The following CAMK4 variants were observed in gnomAD, a reference collection of about 807,000 sequenced individuals.
The protein encoded by CAMK4 is calcium/calmodulin-dependent protein kinase type IV.
Under a neutral mutation model 44.9 loss-of-function variants are expected in CAMK4, and 22 were observed. The observed-to-expected ratio is 0.49, with a 90% CI of 0.35 to 0.70. The LOEUF (loss-of-function observed/expected upper bound fraction) is 0.70, where lower values mean the gene tolerates loss of function less well. CAMK4 is among the 30% of genes least tolerant of loss of function. CAMK4 has a pLI of 0.01. For missense variants in CAMK4, 498 were observed against 586.8 expected (o/e 0.85, Z 1.56); for synonymous variants, 218 against 215.4 (o/e 1.01, Z -0.11).
chr5:111,484,535 G>T lies in CAMK4; in HGVS notation c.*69G>T. 1.8e-6 allele frequency: 2 copies of T among 1,084,278 alleles called. No individual in the cohort carries two copies. The highest frequency in any genetic ancestry group is 2.6e-6 in the Non-Finnish European group (2 of 767,608). The allele number at this position is 1,084,278 out of a possible 1,614,324, so 67.2% of individuals were successfully genotyped here. A position where few individuals can be genotyped will look rare whatever the true frequency, so the allele number is the denominator to read the frequency against. On this transcript the variant is annotated 3_prime_UTR_variant, in exon 11 of 11. Coordinates refer to ENST00000282356, the MANE Select transcript of CAMK4 (RefSeq NM_001744.6). This position sits in a 1 kb window ranked among gnomAD's most constrained non-coding sequence, Gnocchi z 5.3. ...TACTTTGTCCTTCAGCAAGAAAGGTGTGGAAGCATGATATGTACTATAGTG... is the reference window on the plus strand; with the variant it reads ...TACTTTGTCCTTCAGCAAGAAAGGTTTGGAAGCATGATATGTACTATAGTG...
chr5:111,397,276 A>G (rs975143808), intron 5 of CAMK4, among the ~76,000 whole-genome samples: 1 of 152,224 alleles, frequency 6.6e-6, no homozygotes. Context: ...AGGCATAGCA[A>G]TTAACCTAAC....
chr5:111,224,435 G>GGGCAGCGGC lies in CAMK4; in HGVS notation c.-45_-37dup, dbSNP rs1554052654. The GGGCAGCGGC allele has an allele frequency of 2.0e-6, 3 of 1,534,378 alleles. No individual in the cohort carries two copies. The highest frequency in any genetic ancestry group is 2.9e-5 in the African/African-American group (2 of 69,494). Reference sequence around the variant, plus strand: ...GCGGCTGGCGGCCGGCTTCTCGCTCGGGCAGCGGCGGCGGCGGCGGCGGCG... The same window carrying GGGCAGCGGC: ...GCGGCTGGCGGCCGGCTTCTCGCTCGGGCAGCGGCGGCAGCGGCGGCGGCGGCGGCGGCG... On this transcript the variant is annotated 5_prime_UTR_variant, in exon 1 of 11. Transcript: ENST00000282356. The surrounding 1 kb of genome is among the most constrained non-coding windows in gnomAD (Gnocchi z 5.7).
intron 4 of CAMK4, among the ~76,000 whole-genome samples, chr5:111,389,744 A>G (rs1012468985): frequency 1.3e-5 from 2 of 152,216 alleles, no homozygotes; most frequent in African/African-American, 4.8e-5. Flanking sequence ...TAAGGTTGCA[A>G]AGAAATTTAA....
chr5:111,365,286 G>C (rs952285095), intron 2 of CAMK4: 9 of 152,146 alleles, frequency 5.9e-5, no homozygotes, highest in African/African-American at 1.9e-4. Context: ...AAATCAGAGA[G>C]TGTAATGTTT....
At chr5:111,272,688 T>C (rs931580599) in intron 1 of CAMK4, among the ~76,000 whole-genome samples, 3 of 152,194 alleles carry the variant, frequency 2.0e-5, no homozygotes, top group African/African-American at 7.2e-5. Flanking sequence ...TTGCAAAATG[T>C]CTGAATGCCA....
intron 2 of CAMK4, among the ~76,000 whole-genome samples, chr5:111,368,075 C>G (rs1387545256): frequency 6.6e-6 from 1 of 151,798 alleles, no homozygotes; most frequent in Non-Finnish European, 1.5e-5. Context: ...CTAATTAGCC[C>G]AAGTTAAGAT....
intron 1 of CAMK4, among the ~76,000 whole-genome samples, chr5:111,267,691 G>A (rs1035638514): frequency 3.1e-4 from 36 of 114,874 alleles, no homozygotes; most frequent in Admixed American, 2.5e-4. Flanking sequence ...GCGACAGAAC[G>A]AGACTCCGTC....
chr5:111,368,610 C>G (rs1251621273), intron 2 of CAMK4, among the ~76,000 whole-genome samples: 1 of 152,128 alleles, frequency 6.6e-6, no homozygotes, highest in East Asian at 1.9e-4. Context: ...GGAAGGATTT[C>G]CTGGCTTCAG....
At chr5:111,254,435 A>G (rs1001895121) in intron 1 of CAMK4, among the ~76,000 whole-genome samples, 2 of 152,162 alleles carry the variant, frequency 1.3e-5, no homozygotes, top group Non-Finnish European at 2.9e-5. Context: ...GAGGGTTGAC[A>G]CCCTTGTAAA....
intron 7 of CAMK4, among the ~76,000 whole-genome samples, chr5:111,460,300 C>T (rs1488266275): frequency 1.6e-5 from 2 of 122,232 alleles, no homozygotes; most frequent in African/African-American, 3.0e-5. Context: ...CAGAGTCTCA[C>T]TCATTCCCCC....
At chr5:111,444,521 A>G (rs1396193208) in intron 5 of CAMK4, among the ~76,000 whole-genome samples, 1 of 152,130 alleles carries the variant, frequency 6.6e-6, no homozygotes, top group African/African-American at 2.4e-5. Context: ...TGCAGAATCC[A>G]CACTGGGCCC....
At chr5:111,438,331 C>G (rs1753714965) in intron 5 of CAMK4, among the ~76,000 whole-genome samples, 1 of 152,164 alleles carries the variant, frequency 6.6e-6, no homozygotes, top group Admixed American at 6.5e-5. Flanking sequence ...CTTTAATTCT[C>G]AAACCGCTAG....
At chr5:111,454,039 G>C (rs1317827717) in intron 7 of CAMK4, among the ~76,000 whole-genome samples, 2 of 152,188 alleles carry the variant, frequency 1.3e-5, no homozygotes, top group African/African-American at 4.8e-5. Context: ...CCACAGGAGA[G>C]ACAGGCTCTC....
intron 1 of CAMK4, among the ~76,000 whole-genome samples, chr5:111,325,739 T>A (rs1748857339): frequency 1.3e-5 from 2 of 152,082 alleles, no homozygotes; most frequent in African/African-American, 4.8e-5. Flanking sequence ...TTTTTTCTTG[T>A]AAATTTGTTT....
At chr5:111,233,226 C>T (rs1166387944) in intron 1 of CAMK4, among the ~76,000 whole-genome samples, 8 of 152,176 alleles carry the variant, frequency 5.3e-5, no homozygotes, top group Admixed American at 3.9e-4. Context: ...GATATCAAAT[C>T]TTAACTTATT....
intron 2 of CAMK4, among the ~76,000 whole-genome samples, chr5:111,367,326 C>T (rs963244825): frequency 1.3e-5 from 2 of 151,728 alleles, no homozygotes; most frequent in African/African-American, 2.4e-5. Flanking sequence ...CCCAGGATGA[C>T]GGCAATAAAT....
At chr5:111,313,748 C>G (rs539389710) in intron 1 of CAMK4, among the ~76,000 whole-genome samples, 116 of 152,212 alleles carry the variant, frequency 7.6e-4, no homozygotes, top group African/African-American at 2.6e-3. Context: ...AGAAAAACCC[C>G]TCTCTTTAAG....
In CAMK4 at chr5:111,472,158, G is replaced by A. The variant is rs185271033; in HGVS notation, c.626-1153G>A. Among the ~76,000 whole-genome samples the A allele has an allele frequency of 3.9e-3, 587 of 152,242 alleles. 2 individuals carry two copies. Among genetic ancestry groups the A allele is most frequent in the Non-Finnish European group, 5.9e-3 (403 of 68,008 alleles). Reference sequence around the variant, plus strand: ...GATCCACCTGCCTCGATCTCCCAAAGTGCTAGGATTACAGGTGTGAGCCAC... The same window carrying A: ...GATCCACCTGCCTCGATCTCCCAAAATGCTAGGATTACAGGTGTGAGCCAC... On this transcript the variant is annotated intron_variant, in intron 7 of 10. Transcript: ENST00000282356.
chr5:111,330,169 C>T (rs1749103344), intron 1 of CAMK4, among the ~76,000 whole-genome samples: 1 of 148,930 alleles, frequency 6.7e-6, no homozygotes, highest in Non-Finnish European at 1.5e-5. Flanking sequence ...AGATAAATGT[C>T]ACCATACAAA....
Sources: allele counts gnomAD v4.1 joint callset (sites outside exome capture counted in the v4.1 genomes callset), GRCh38; gene constraint gnomAD v4.1.1; non-coding constraint Gnocchi (gnomAD v3.1); transcripts MANE v1.5; gene names NCBI Gene and HGNC (gene_info 2026-07-23, HGNC 2026-07-21).